The following PREX1 variants were observed in gnomAD, a reference collection of about 807,000 sequenced individuals.
PREX1 encodes phosphatidylinositol 3,4,5-trisphosphate-dependent Rac exchanger 1 protein.
PREX1 carries 41 observed loss-of-function variants against 198.3 expected under a neutral mutation model. That is an observed-to-expected ratio of 0.21 (90% CI 0.16 to 0.27). PREX1 has a LOEUF of 0.27. Ranked by LOEUF, PREX1 falls within the 10% of genes least tolerant of loss-of-function variation. The pLI is 1.00. For synonymous variants in PREX1, 843 were observed against 887.2 expected (o/e 0.95, Z 0.89); for missense variants, 1,620 against 2,200.7 (o/e 0.74, Z 5.28).
At chr20:48,871,973 C>CATGGTGA in the PREX1 span, among the ~76,000 whole-genome samples, 2 of 151,902 alleles carry the variant, frequency 1.3e-5, no homozygotes, top group African/African-American at 4.8e-5. Context: ...TCCTGGCTAA[C>CATGGTGA]ATGGTGAAAC....
At chr20:48,792,417 C>A (rs1765924991) in intron 1 of PREX1, among the ~76,000 whole-genome samples, 1 of 152,232 alleles carries the variant, frequency 6.6e-6, no homozygotes, top group Middle Eastern at 3.4e-3. Context: ...TTGCTGTGAG[C>A]CAAGATCGCG....
At chr20:48,704,839 A>AGCCACC (rs1291118846) in intron 6 of PREX1, among the ~76,000 whole-genome samples, 1 of 152,144 alleles carries the variant, frequency 6.6e-6, no homozygotes, top group African/African-American at 2.4e-5. Flanking sequence ...TACAGGTGTG[A>AGCCACC]GCCACCGCGC....
chr20:48,742,977 C>T (rs947866078), intron 3 of PREX1, among the ~76,000 whole-genome samples: 15 of 152,166 alleles, frequency 9.9e-5, no homozygotes, highest in African/African-American at 3.4e-4. Flanking sequence ...ATAGGCAATC[C>T]TAAGCAAGCT....
chr20:48,713,833 T>C (rs2089947857), intron 5 of PREX1, among the ~76,000 whole-genome samples: 1 of 145,978 alleles, frequency 6.9e-6, no homozygotes. Context: ...AAGCTGCACA[T>C]TCTGCACATG....
intron 1 of PREX1, among the ~76,000 whole-genome samples, chr20:48,822,260 C>A (rs2090489245): frequency 6.6e-6 from 1 of 152,232 alleles, no homozygotes; most frequent in Non-Finnish European, 1.5e-5. Flanking sequence ...TGACTTAATT[C>A]TTGCCCACCT....
intron 20 of PREX1, 111 bp downstream of exon 20, chr20:48,653,240 GCTCCACCCTA>G (rs1897026979): frequency 1.4e-6 from 2 of 1,441,448 alleles, no homozygotes; most frequent in Admixed American, 3.9e-5. Context: ...TGGGTCAGCA[GCTCCACCCTA>G]CTCACAACCA....
At position 48,650,913 on chromosome 20, in the gene PREX1, C is replaced by G. The variant is rs1178969083; in HGVS notation, c.2798G>C (p.Arg933Thr). ...AGGCACCTCCTGGTAGCAGGCAATC[C>G]TCTGGCCAATGCTCTCCAGCTTGGT... ...CDTKLESIGQ[R>T]IACYQEFAAQ... Residue 933 changes from arginine to threonine, a missense_variant, in exon 23 of 40, where the codon AGG (arginine) becomes ACG (threonine). Arg to Thr is a moderately conservative substitution (Grantham distance 71, BLOSUM62 -1). Transcript: ENST00000371941. 6.8e-6 allele frequency: 11 copies of G among 1,614,178 alleles called. No individual in the cohort carries two copies. The highest frequency in any genetic ancestry group is 9.3e-6 in the Non-Finnish European group (11 of 1,180,044).
At chr20:48,866,611 GA>G in the PREX1 span, among the ~76,000 whole-genome samples, 64 of 152,162 alleles carry the variant, frequency 4.2e-4, no homozygotes, top group Admixed American at 1.4e-3. Context: ...GAGGGTTGGG[GA>G]GAAGAGAGAA....
At chr20:48,863,798 G>T in the PREX1 span, among the ~76,000 whole-genome samples, 4 of 151,888 alleles carry the variant, frequency 2.6e-5, no homozygotes, top group African/African-American at 9.7e-5. Flanking sequence ...GGCCAGGCTG[G>T]TCTCAAACTC....
chr20:48,799,933 C>G (rs1568868684), intron 1 of PREX1, among the ~76,000 whole-genome samples: 1 of 151,964 alleles, frequency 6.6e-6, no homozygotes, highest in Non-Finnish European at 1.5e-5. Context: ...GGCCAGCAGA[C>G]CCCTGCCATA....
intron 1 of PREX1, among the ~76,000 whole-genome samples, chr20:48,778,491 G>A (rs1170438446): frequency 6.6e-6 from 1 of 152,006 alleles, no homozygotes; most frequent in African/African-American, 2.4e-5. Context: ...TCCAGAGGCT[G>A]AGGTGGGACA....
intron 18 of PREX1, among the ~76,000 whole-genome samples, chr20:48,655,617 T>C (rs539954273): frequency 3.3e-5 from 5 of 152,330 alleles, no homozygotes; most frequent in African/African-American, 1.2e-4. Context: ...TTGGAGCTTC[T>C]GTCCTCGAAC....
At chr20:48,668,031 G>T (rs565438622) in intron 14 of PREX1, among the ~76,000 whole-genome samples, 95 of 152,204 alleles carry the variant, frequency 6.2e-4, no homozygotes, top group Admixed American at 1.0e-3. Flanking sequence ...CTTTCTGAGT[G>T]CCCCACCTCC....
In PREX1 at chr20:48,691,870, T is replaced by G. The variant is rs913489146; in HGVS notation, c.1037-774A>C. Among the ~76,000 whole-genome samples the G allele has an allele frequency of 3.3e-5, 5 of 152,126 alleles. No individual in the cohort carries two copies. Among genetic ancestry groups the G allele is most frequent in the Admixed American group, 3.3e-4 (5 of 15,290 alleles). On this transcript the variant is annotated intron_variant, in intron 8 of 39. Coordinates refer to ENST00000371941, the MANE Select transcript of PREX1 (RefSeq NM_020820.4). This position sits in a 1 kb window ranked among gnomAD's most constrained non-coding sequence, Gnocchi z 5.0. ...AACGTGGTGTTGAGTGAAAGCAGTT[T>G]GTTTAAAAAAAAATGTAGACCATAT...
chr20:48,878,442 C>T, the PREX1 span, among the ~76,000 whole-genome samples: 8 of 151,972 alleles, frequency 5.3e-5, no homozygotes, highest in African/African-American at 1.9e-4. Flanking sequence ...CTGGTTCAAA[C>T]GATTCTCCTG....
intron 30 of PREX1, 121 bp from the exon 31 acceptor site, chr20:48,637,873 C>T (rs1007845111): frequency 2.5e-6 from 2 of 805,690 alleles, no homozygotes; most frequent in Non-Finnish European, 4.0e-6. Context: ...ACAGCAAAGC[C>T]CTGGCACCCA....
chr20:48,648,711 G>T (rs1218791275), intron 25 of PREX1, among the ~76,000 whole-genome samples: 1 of 152,136 alleles, frequency 6.6e-6, no homozygotes, highest in East Asian at 1.9e-4. Context: ...TTAATCTCCA[G>T]CAGTTCCTCT....
At chr20:48,674,030 T>C (rs2089693259) in intron 14 of PREX1, among the ~76,000 whole-genome samples, 2 of 152,228 alleles carry the variant, frequency 1.3e-5, no homozygotes. Context: ...TGAACCCACG[T>C]CTGTCTGGCT....
At chr20:48,766,279 G>T (rs1301430167) in intron 1 of PREX1, among the ~76,000 whole-genome samples, 1 of 152,104 alleles carries the variant, frequency 6.6e-6, no homozygotes, top group Non-Finnish European at 1.5e-5. Context: ...CCCGTCCCTG[G>T]TGCCAAAACG....
Sources: gnomAD v4.1 joint callset for allele counts (sites outside exome capture counted in the v4.1 genomes callset) on GRCh38, gnomAD v4.1.1 for gene constraint, Gnocchi (gnomAD v3.1) non-coding constraint, MANE v1.5 for transcripts, NCBI Gene and HGNC (gene_info 2026-07-23, HGNC 2026-07-21) for gene names.